TBCEL: variants seen among roughly 807,000 people sequenced by gnomAD.
TBCEL encodes the protein tubulin-specific chaperone cofactor E-like protein.
A neutral mutation model predicts 44.2 loss-of-function variants in TBCEL; 15 were observed. The observed-to-expected ratio is 0.34, with a 90% CI of 0.23 to 0.52. The LOEUF is 0.52. TBCEL is among the 20% of genes least tolerant of loss of function. TBCEL has a pLI of 0.95. For synonymous variants in TBCEL, 171 were observed against 185.4 expected, an observed-to-expected ratio of 0.92 and a Z score of 0.63; for missense variants, 319 against 506.3, an observed-to-expected ratio of 0.63 and a Z score of 3.55.
At chr11:121,037,351 CT>C (rs1945249584) in intron 2 of TBCEL, among the ~76,000 whole-genome samples, 1 of 152,088 alleles carries the variant, frequency 6.6e-6, no homozygotes, top group Non-Finnish European at 1.5e-5. Flanking sequence ...GTTTATTTTC[CT>C]TTTCATCCAA....
intron 8 of TBCEL, among the ~76,000 whole-genome samples, chr11:121,066,724 A>T (rs934932879): frequency 4.6e-5 from 7 of 152,234 alleles, no homozygotes; most frequent in African/African-American, 2.4e-5. Flanking sequence ...ATATATAAAC[A>T]GAGTATTAGT....
intron 8 of TBCEL, among the ~76,000 whole-genome samples, chr11:121,084,910 GCTTTGT>G (rs1946188465): frequency 6.6e-6 from 1 of 151,802 alleles, no homozygotes; most frequent in Non-Finnish European, 1.5e-5. Context: ...AGTCCTGGCA[GCTTTGT>G]CTTTGTTTGT....
chr11:121,065,077 C>T (rs1040515346), intron 8 of TBCEL, among the ~76,000 whole-genome samples: 2 of 152,130 alleles, frequency 1.3e-5, no homozygotes, highest in African/African-American at 2.4e-5. Flanking sequence ...CCGCCTGCCT[C>T]GGCCTCCCAA....
At chr11:121,029,952 AC>A (rs1261680023) in intron 1 of TBCEL, among the ~76,000 whole-genome samples, 1 of 152,128 alleles carries the variant, frequency 6.6e-6, no homozygotes, top group African/African-American at 2.4e-5. Flanking sequence ...CTTGTGTGGG[AC>A]CTATCTTCTG....
intron 1 of TBCEL, among the ~76,000 whole-genome samples, chr11:121,026,665 ATTAT>A (rs1373587513): frequency 6.6e-6 from 1 of 152,190 alleles, no homozygotes; most frequent in African/African-American, 2.4e-5. Context: ...CTTGCCTTTA[ATTAT>A]TTATTAGGTA....
At chr11:121,061,551 C>T (rs1029458362) in intron 8 of TBCEL, among the ~76,000 whole-genome samples, 6 of 152,040 alleles carry the variant, frequency 3.9e-5, no homozygotes, top group African/African-American at 1.4e-4. Context: ...GCCTACTACA[C>T]ACCTAGGCTA....
At chr11:121,063,939 C>G (rs1945770742) in intron 8 of TBCEL, among the ~76,000 whole-genome samples, 1 of 152,178 alleles carries the variant, frequency 6.6e-6, no homozygotes, top group Admixed American at 6.5e-5. Flanking sequence ...AGGGTTCCAT[C>G]CACACTCGTA....
At chr11:121,081,045 T>C (rs1278866461) in intron 8 of TBCEL, among the ~76,000 whole-genome samples, 1 of 152,200 alleles carries the variant, frequency 6.6e-6, no homozygotes, top group African/African-American at 2.4e-5. Flanking sequence ...GGTAGCCTGA[T>C]TTCTAACTGC....
chr11:121,063,856 T>C (rs896650138), intron 8 of TBCEL, among the ~76,000 whole-genome samples: 2 of 152,216 alleles, frequency 1.3e-5, no homozygotes, highest in African/African-American at 4.8e-5. Context: ...AAGTTTTACT[T>C]GTATTTGGTT....
At chr11:121,084,360 C>T (rs1021841779) in intron 8 of TBCEL, among the ~76,000 whole-genome samples, 9 of 152,002 alleles carry the variant, frequency 5.9e-5, no homozygotes, top group Non-Finnish European at 1.2e-4. Context: ...TGTCTTTGAG[C>T]GCTGGTTTTT....
intron 2 of TBCEL, among the ~76,000 whole-genome samples, chr11:121,043,096 A>G (rs1301505633): frequency 6.6e-6 from 1 of 152,178 alleles, no homozygotes; most frequent in African/African-American, 2.4e-5. Context: ...CTTATTTTAT[A>G]GTTGAAGACA....
intron 2 of TBCEL, among the ~76,000 whole-genome samples, chr11:121,041,755 T>A (rs1221574733): frequency 3.3e-5 from 5 of 151,996 alleles, no homozygotes; most frequent in African/African-American, 9.7e-5. Flanking sequence ...CCCCAACAGA[T>A]TTTGAGTAGA....
At chr11:121,073,267 C>A (rs1945970497) in intron 8 of TBCEL, among the ~76,000 whole-genome samples, 1 of 151,828 alleles carries the variant, frequency 6.6e-6, no homozygotes. Context: ...TTGTATATTC[C>A]TATCTGTGAA....
chr11:121,064,671 T>G (rs940604246), intron 8 of TBCEL, among the ~76,000 whole-genome samples: 2 of 152,204 alleles, frequency 1.3e-5, no homozygotes, highest in Admixed American at 6.5e-5. Flanking sequence ...TAAAGTGTTT[T>G]CAGATATATG....
At chr11:121,068,384 G>GC (rs1555117195) in intron 8 of TBCEL, among the ~76,000 whole-genome samples, 2 of 147,546 alleles carry the variant, frequency 1.4e-5, no homozygotes, top group African/African-American at 5.0e-5. Context: ...CATCTGGTCT[G>GC]TTTTTTTTTT....
At chr11:121,066,742 T>A (rs1265932311) in intron 8 of TBCEL, among the ~76,000 whole-genome samples, 1 of 152,224 alleles carries the variant, frequency 6.6e-6, no homozygotes, top group Non-Finnish European at 1.5e-5. Flanking sequence ...AGTATTATAC[T>A]TATCTCTTTC....
chr11:121,057,602 A>G (rs1268305962), intron 6 of TBCEL: 5 of 454,912 alleles, frequency 1.1e-5, no homozygotes, highest in African/African-American at 6.0e-5. Flanking sequence ...TTGAAAATAC[A>G]TGGGGAAGAA....
chr11:121,067,155 G>A (rs1233188585), intron 8 of TBCEL, among the ~76,000 whole-genome samples: 1 of 152,166 alleles, frequency 6.6e-6, no homozygotes, highest in Non-Finnish European at 1.5e-5. Flanking sequence ...GACATGATGA[G>A]CCGAATGTCC....
chr11:121,061,875 AT>A (rs959710417), intron 8 of TBCEL, among the ~76,000 whole-genome samples: 1 of 151,760 alleles, frequency 6.6e-6, no homozygotes, highest in Admixed American at 6.6e-5. Flanking sequence ...CATTTATACA[AT>A]TTTTTTCTTT....
Sources: gnomAD v4.1 joint callset for allele counts (sites outside exome capture counted in the v4.1 genomes callset) on GRCh38, gnomAD v4.1.1 for gene constraint, MANE v1.5 for transcripts, NCBI Gene and HGNC (gene_info 2026-07-23, HGNC 2026-07-21) for gene names.